The following LYRM4 variants were observed in gnomAD, a reference collection of about 807,000 sequenced individuals.
LYRM4 encodes the protein LYR motif-containing protein 4.
LYRM4 carries 9 observed loss-of-function variants against 11.7 expected under a neutral mutation model. The ratio of observed to expected loss-of-function variants is 0.77; its 90% CI spans 0.46 to 1.34. LYRM4 has a LOEUF of 1.34. Among genes scored for constraint, LYRM4 ranks in the 40% most tolerant of loss-of-function variants. The probability of loss-of-function intolerance (pLI) is 0.00; values close to 1 mark genes in which losing one functional copy is unlikely to be tolerated. For synonymous variants in LYRM4, 42 were observed against 40.4 expected (o/e 1.04, Z -0.15); for missense variants, 133 against 112.5 (o/e 1.18, Z -0.82).
chr6:5,137,352 T>C (rs964919649), intron 2 of LYRM4, among the ~76,000 whole-genome samples: 10 of 152,214 alleles, frequency 6.6e-5, no homozygotes, highest in African/African-American at 2.2e-4. Context: ...TGAGTATACA[T>C]GTAGGGGTGG....
At chr6:5,086,210 G>A in the LYRM4 span, 2 of 1,535,186 alleles carry the variant, frequency 1.3e-6, no homozygotes, top group Non-Finnish European at 1.7e-6. Context: ...GTGCTCAGCT[G>A]CCCTGGGCCC....
intron 2 of LYRM4, among the ~76,000 whole-genome samples, chr6:5,126,235 G>A (rs1337513306): frequency 6.6e-6 from 1 of 152,216 alleles, no homozygotes; most frequent in Non-Finnish European, 1.5e-5. Flanking sequence ...TCCCTTGGAA[G>A]ACAGTGATGA....
intron 2 of LYRM4, among the ~76,000 whole-genome samples, chr6:5,174,657 T>C (rs905436883): frequency 6.6e-6 from 1 of 152,232 alleles, no homozygotes; most frequent in Non-Finnish European, 1.5e-5. Context: ...GGTCACTGTT[T>C]ATTTTGTCTA....
intron 2 of LYRM4, among the ~76,000 whole-genome samples, chr6:5,123,620 C>T (rs1763565408): frequency 6.6e-6 from 1 of 152,188 alleles, no homozygotes; most frequent in Non-Finnish European, 1.5e-5. Context: ...AATAAACTGC[C>T]CTCCTCCCTT....
chr6:5,225,748 GATAA>G (rs1459977299), intron 1 of LYRM4, among the ~76,000 whole-genome samples: 9 of 152,170 alleles, frequency 5.9e-5, no homozygotes, highest in African/African-American at 2.2e-4. Context: ...TTCAAAGATA[GATAA>G]ATATTTTACT....
chr6:5,122,089 G>A (rs1763482673), intron 2 of LYRM4, among the ~76,000 whole-genome samples: 1 of 152,148 alleles, frequency 6.6e-6, no homozygotes, highest in Non-Finnish European at 1.5e-5. Context: ...AACTGAGCAG[G>A]CAAGCTCAGC....
At chr6:5,159,157 G>C (rs898590261) in intron 2 of LYRM4, among the ~76,000 whole-genome samples, 2 of 152,246 alleles carry the variant, frequency 1.3e-5, no homozygotes, top group African/African-American at 4.8e-5. Context: ...CTCTTCCAAA[G>C]GAACTGTATA....
chr6:5,070,869 G>C, the LYRM4 span, among the ~76,000 whole-genome samples: 1 of 48,102 alleles, frequency 2.1e-5, no homozygotes, highest in East Asian at 7.8e-4. Flanking sequence ...ACCCTGTCTT[G>C]AAAAAAAAAA....
At chr6:5,067,434 G>C in the LYRM4 span, among the ~76,000 whole-genome samples, 10 of 152,338 alleles carry the variant, frequency 6.6e-5, no homozygotes, top group South Asian at 1.4e-3. Context: ...TTCCAAGGAG[G>C]TTAACTCACA....
the LYRM4 span, among the ~76,000 whole-genome samples, chr6:5,046,247 C>T: frequency 2.6e-5 from 4 of 151,960 alleles, no homozygotes; most frequent in East Asian, 1.9e-4. Context: ...CCTGGGTTCA[C>T]GCCATTCTCC....
At chr6:5,043,902 C>T in the LYRM4 span, among the ~76,000 whole-genome samples, 1 of 152,142 alleles carries the variant, frequency 6.6e-6, no homozygotes, top group Non-Finnish European at 1.5e-5. Flanking sequence ...AATCCCGAGT[C>T]TGTTTACTTT....
chr6:5,245,112 AAATATATATATATATATATAT>A (rs1561898898), intron 1 of LYRM4, among the ~76,000 whole-genome samples: 17 of 31,972 alleles, frequency 5.3e-4, no homozygotes, highest in African/African-American at 2.2e-3. Context: ...AAAAAAAAAA[AAATATATATATATATATATAT>A]ATATATATAT....
At chr6:5,144,161 G>T in intron 2 of LYRM4, 2 of 1,536,738 alleles carry the variant, frequency 1.3e-6, no homozygotes, top group South Asian at 2.4e-5. Flanking sequence ...AAGAGCAAAC[G>T]TCTGTCAGGT....
chr6:5,076,098 C>T, the LYRM4 span, among the ~76,000 whole-genome samples: 1 of 152,114 alleles, frequency 6.6e-6, no homozygotes, highest in African/African-American at 2.4e-5. Context: ...GTGTGCATCA[C>T]CACGCCCAGC....
At chr6:5,110,378 C>A (rs1466582518) in intron 2 of LYRM4, among the ~76,000 whole-genome samples, 1 of 149,794 alleles carries the variant, frequency 6.7e-6, no homozygotes, top group Non-Finnish European at 1.5e-5. Context: ...GAAGTGAAGG[C>A]CCCGGACAGA....
intron 2 of LYRM4, among the ~76,000 whole-genome samples, chr6:5,208,438 T>C (rs768495455): frequency 3.9e-5 from 6 of 152,232 alleles, no homozygotes; most frequent in Non-Finnish European, 7.3e-5. Flanking sequence ...GAAGGATGGA[T>C]ATCATAATAA....
intron 2 of LYRM4, among the ~76,000 whole-genome samples, chr6:5,166,950 G>T (rs537261918): frequency 3.3e-5 from 5 of 152,266 alleles, no homozygotes; most frequent in African/African-American, 1.2e-4. Context: ...GAACTCCTGA[G>T]TTCAAACCAT....
rs377530961 is a variant in LYRM4, at chr6:5,123,695, G to A, written c.208-14204C>T. 4.8e-4 allele frequency among the ~76,000 whole-genome samples: 73 copies of A among 152,320 alleles called. 1 individual carries two copies. The highest frequency in any genetic ancestry group is 6.8e-3 in the Middle Eastern group (2 of 294). ...TAGGCCACTGACATGCTGCTCTAGC[G>A]CGACCAGATTCCATTCTGAGGGGCC... On this transcript the variant is annotated intron_variant, in intron 2 of 2. Transcript: ENST00000330636.
the LYRM4 span, among the ~76,000 whole-genome samples, chr6:5,081,701 T>G: frequency 6.6e-6 from 1 of 152,262 alleles, no homozygotes; most frequent in Admixed American, 6.5e-5. Context: ...GATAGAACAT[T>G]TGTTATTACT....
Sources: gnomAD v4.1 joint callset for allele counts (sites outside exome capture counted in the v4.1 genomes callset) on GRCh38, gnomAD v4.1.1 for gene constraint, MANE v1.5 for transcripts, NCBI Gene and HGNC (gene_info 2026-07-23, HGNC 2026-07-21) for gene names.